BCAS3: variants seen among roughly 807,000 people sequenced by gnomAD.
BCAS3 encodes BCAS4/BCAS3 fusion.
In BCAS3, 53 loss-of-function variants were observed where a neutral mutation model predicts 116.1. The observed-to-expected ratio is 0.46, with a 90% confidence interval of 0.37 to 0.57. BCAS3 has a LOEUF of 0.57. Ranked by LOEUF, BCAS3 falls within the 20% of genes least tolerant of loss-of-function variation. BCAS3 has a pLI of 0.00. For synonymous variants in BCAS3, 391 were observed against 408.2 expected, an observed-to-expected ratio of 0.96 and a Z score of 0.51; for missense variants, 917 against 1,165.4, an observed-to-expected ratio of 0.79 and a Z score of 3.10.
In BCAS3 at chr17:61,156,180, A is replaced by G. The variant is rs1359819915; in HGVS notation, c.2425+71616A>G. The stretch of plus-strand genomic sequence containing the variant: ...AGTCAGCCAGACACATTAAAAAAAA[A>G]AAAAAGAAAAGTAAAATCTGAGTTG... On this transcript the variant is annotated intron_variant, in intron 22 of 23. Coordinates refer to ENST00000407086, the MANE Select transcript of BCAS3 (RefSeq NM_017679.5). The surrounding 1 kb of genome is among the most constrained non-coding windows in gnomAD (Gnocchi z 4.7). Among the ~76,000 whole-genome samples, 2 of 152,080 alleles carry G rather than the reference A, an allele frequency of 1.3e-5. No homozygotes were observed. Among genetic ancestry groups the G allele is most frequent in the Non-Finnish European group, 2.9e-5 (2 of 68,024 alleles).
intron 7 of BCAS3, among the ~76,000 whole-genome samples, chr17:60,855,974 C>T (rs1378134695): frequency 3.9e-5 from 6 of 152,154 alleles, no homozygotes; most frequent in East Asian, 1.9e-4. Flanking sequence ...TGAGCCGCCG[C>T]GCCTGGGCTG....
At chr17:60,824,726 T>C (rs1425577177) in intron 7 of BCAS3, among the ~76,000 whole-genome samples, 2 of 152,244 alleles carry the variant, frequency 1.3e-5, no homozygotes, top group Non-Finnish European at 2.9e-5. Flanking sequence ...TAATTGTTAT[T>C]TAAAGTTAGT....
At position 61,073,703 on chromosome 17, in the gene BCAS3, A is replaced by G. The variant is rs1043343132; in HGVS notation, c.2030-1217A>G. 6.6e-6 allele frequency among the ~76,000 whole-genome samples: 1 copy of G among 152,018 alleles called. No homozygotes were observed. The highest frequency in any genetic ancestry group is 2.4e-5 in the African/African-American group (1 of 41,380). On this transcript the variant is annotated intron_variant, in intron 19 of 23. Transcript: ENST00000407086. This position sits in a 1 kb window ranked among gnomAD's most constrained non-coding sequence, Gnocchi z 4.6. ...GGTTTTCAGCTTCTCATTCTTTTCT[A>G]TTTCTTCCACACTTCTTTAATGATC...
chr17:61,254,761 G>A (rs2048644825), intron 22 of BCAS3, among the ~76,000 whole-genome samples: 1 of 48,028 alleles, frequency 2.1e-5, no homozygotes, highest in Admixed American at 3.5e-4. Flanking sequence ...TGGTGACAGA[G>A]TGAGACTCCG....
intron 22 of BCAS3, among the ~76,000 whole-genome samples, chr17:61,240,527 G>A (rs1196089264): frequency 3.3e-5 from 5 of 152,140 alleles, no homozygotes; most frequent in African/African-American, 9.7e-5. Context: ...GGTGGCGCAC[G>A]CCTGTAATCC....
At position 61,186,733 on chromosome 17, in the gene BCAS3, C is replaced by T. The variant is rs1293618455; in HGVS notation, c.2425+102169C>T. ...TAACAGTTGTTTTTTTTTTTTGAGA[C>T]GGAGTCTCGCTCTGTCGCCCAGGTT... On this transcript the variant is annotated intron_variant, in intron 22 of 23. Coordinates refer to ENST00000407086, the MANE Select transcript of BCAS3 (RefSeq NM_017679.5). This position sits in a 1 kb window ranked among gnomAD's most constrained non-coding sequence, Gnocchi z 4.9. Among the ~76,000 whole-genome samples the T allele has an allele frequency of 6.6e-6, 1 of 150,852 alleles. No homozygotes were observed. Among genetic ancestry groups the T allele is most frequent in the Non-Finnish European group, 1.5e-5 (1 of 67,760 alleles).
chr17:60,968,252 G>A (rs75009866), intron 14 of BCAS3, among the ~76,000 whole-genome samples: 1,554 of 151,968 alleles, frequency 0.01, 36 homozygotes, highest in African/African-American at 0.036. Context: ...GGCTCATTTT[G>A]TTGCCCAGGC....
chr17:60,687,037 A>T (rs978483290), intron 3 of BCAS3, among the ~76,000 whole-genome samples: 1 of 152,210 alleles, frequency 6.6e-6, no homozygotes, highest in African/African-American at 2.4e-5. Context: ...TATTTTCTCT[A>T]TAGTGAGCAA....
chr17:61,060,445 A>C (rs143560995), intron 19 of BCAS3, among the ~76,000 whole-genome samples: 221 of 152,148 alleles, frequency 1.5e-3, no homozygotes, highest in African/African-American at 5.1e-3. Context: ...ACCAGACCTA[A>C]ATGTATTAAC....
intron 22 of BCAS3, among the ~76,000 whole-genome samples, chr17:61,274,281 A>ATTTTTTTTTTT (rs780529516): frequency 2.1e-5 from 2 of 96,240 alleles, no homozygotes; most frequent in East Asian, 3.0e-4. Context: ...AAATCTTTGA[A>ATTTTTTTTTTT]TTTTTTTTTT....
Position 60,992,189 on chromosome 17 carries a change from TACACACACACAC to T in BCAS3, c.1486+1985_1486+1996del, listed in dbSNP as rs576760115. Reference sequence around the variant, plus strand: ...CATTCTTTCGTAGTATCCGATGACTTACACACACACACACACACACACACACACACACACACA... The same window carrying T: ...CATTCTTTCGTAGTATCCGATGACTTACACACACACACACACACACACACA... On this transcript the variant is annotated intron_variant, in intron 15 of 23. Coordinates refer to ENST00000407086, the MANE Select transcript of BCAS3 (RefSeq NM_017679.5). Among the ~76,000 whole-genome samples, 560 of 130,726 alleles carry T rather than the reference TACACACACACAC, an allele frequency of 4.3e-3. 1 individual carries two copies. Among genetic ancestry groups the T allele is most frequent in the Non-Finnish European group, 6.7e-3 (411 of 60,998 alleles). 85.8% of individuals were successfully genotyped at this position (130,726 alleles called of 152,430 possible).
At chr17:61,048,279 A>G (rs546741017) in intron 19 of BCAS3, among the ~76,000 whole-genome samples, 2 of 152,144 alleles carry the variant, frequency 1.3e-5, no homozygotes, top group East Asian at 1.9e-4. Flanking sequence ...GCATGTAGCA[A>G]CAACAGAAAC....
intron 3 of BCAS3, among the ~76,000 whole-genome samples, chr17:60,687,823 C>T (rs1052255044): frequency 2.6e-5 from 4 of 152,062 alleles, no homozygotes; most frequent in Non-Finnish European, 5.9e-5. Flanking sequence ...GTTGTCTTCC[C>T]AGAATTTTCT....
In BCAS3 at chr17:61,118,411, G is replaced by A. The variant is rs1405850604; in HGVS notation, c.2425+33847G>A. On this transcript the variant is annotated intron_variant, in intron 22 of 23. Coordinates refer to ENST00000407086, the MANE Select transcript of BCAS3 (RefSeq NM_017679.5). The surrounding 1 kb of genome is among the most constrained non-coding windows in gnomAD (Gnocchi z 5.0). ...AGAGAAGGAGTGGTGCCTCCTTACT[G>A]CCAAGCAGGGGTGAAAATCCAGACT... 6.6e-6 allele frequency among the ~76,000 whole-genome samples: 1 copy of A among 152,164 alleles called. No individual in the cohort carries two copies. The highest frequency in any genetic ancestry group is 1.9e-4 in the East Asian group (1 of 5,190).
In BCAS3 at chr17:61,239,158, T is replaced by C. The variant is rs2083285954; in HGVS notation, c.2426-129169T>C. ...TGATTTAGTGAGCTCATTTTTGAAA[T>C]GCAAAAGCAAAAAGGAATAAAATAG... On this transcript the variant is annotated intron_variant, in intron 22 of 23. Coordinates refer to ENST00000407086, the MANE Select transcript of BCAS3 (RefSeq NM_017679.5). This position sits in a 1 kb window ranked among gnomAD's most constrained non-coding sequence, Gnocchi z 4.2. Among the ~76,000 whole-genome samples the C allele has an allele frequency of 2.0e-5, 3 of 152,084 alleles. No homozygotes were observed.
At chr17:60,764,096 TATTA>T (rs1271470849) in intron 6 of BCAS3, among the ~76,000 whole-genome samples, 1 of 152,192 alleles carries the variant, frequency 6.6e-6, no homozygotes, top group East Asian at 1.9e-4. Context: ...TTTTCTTCTT[TATTA>T]GTCTTGCTAG....
chr17:60,813,482 G>T (rs1031335503), intron 7 of BCAS3, among the ~76,000 whole-genome samples: 2 of 152,116 alleles, frequency 1.3e-5, no homozygotes, highest in African/African-American at 4.8e-5. Flanking sequence ...TTGTTGAATT[G>T]TTTAAATTCG....
At position 61,222,766 on chromosome 17, in the gene BCAS3, T is replaced by G. The variant is rs1163869273; in HGVS notation, c.2425+138202T>G. 6.6e-6 allele frequency among the ~76,000 whole-genome samples: 1 copy of G among 152,246 alleles called. No homozygotes were observed. Among genetic ancestry groups the G allele is most frequent in the Non-Finnish European group, 1.5e-5 (1 of 68,040 alleles). On this transcript the variant is annotated intron_variant, in intron 22 of 23. Coordinates refer to ENST00000407086, the MANE Select transcript of BCAS3 (RefSeq NM_017679.5). This position sits in a 1 kb window ranked among gnomAD's most constrained non-coding sequence, Gnocchi z 6.1. ...CTCTGCGACTCCAGGTCGATTCGTC[T>G]GCCTGTTGGCTTTTTTGATTTTTGC...
chr17:61,272,798 C>T (rs1379145597), intron 22 of BCAS3, among the ~76,000 whole-genome samples: 2 of 152,032 alleles, frequency 1.3e-5, no homozygotes, highest in Non-Finnish European at 2.9e-5. Flanking sequence ...ATCAATTTTG[C>T]CTTTTTATCT....
Sources: allele counts gnomAD v4.1 joint callset (sites outside exome capture counted in the v4.1 genomes callset), GRCh38; gene constraint gnomAD v4.1.1; non-coding constraint Gnocchi (gnomAD v3.1); transcripts MANE v1.5; gene names NCBI Gene and HGNC (gene_info 2026-07-23, HGNC 2026-07-21).